ROCK2: variants seen among roughly 807,000 people sequenced by gnomAD.
The protein encoded by ROCK2 is rho-associated protein kinase 2.
A neutral mutation model predicts 195.1 loss-of-function variants in ROCK2; 61 were observed. The observed-to-expected ratio is 0.31, with a 90% CI of 0.25 to 0.39. ROCK2 has a LOEUF of 0.39. Among genes scored for constraint, ROCK2 ranks in the 10% least tolerant of loss-of-function variants. The pLI, the probability that ROCK2 is intolerant of heterozygous loss-of-function variation, is 1.00. For synonymous variants in ROCK2, 504 were observed against 545.5 expected, an observed-to-expected ratio of 0.92 and a Z score of 1.06; for missense variants, 1,109 against 1,637.4, an observed-to-expected ratio of 0.68 and a Z score of 5.57.
chr2:11,341,727 A>G (rs1669111749), intron 1 of ROCK2, among the ~76,000 whole-genome samples: 1 of 152,218 alleles, frequency 6.6e-6, no homozygotes, highest in African/African-American at 2.4e-5. Context: ...CAAAAAATAA[A>G]TGTCATAGGC....
rs16857273 is a variant in ROCK2 at position 11,210,262 on chromosome 2, C to A, written c.2203+1419G>T. Among the ~76,000 whole-genome samples the A allele has an allele frequency of 8.7e-3, 432 of 49,778 alleles. 1 individual carries two copies. The highest frequency in any genetic ancestry group is 0.015 in the African/African-American group (376 of 24,908). The allele number at this position is 49,778 out of a possible 152,430, so 32.7% of individuals were successfully genotyped here. On this transcript the variant is annotated intron_variant, in intron 18 of 32. Coordinates refer to ENST00000315872, the MANE Select transcript of ROCK2 (RefSeq NM_004850.5). Reference sequence around the variant, plus strand: ...AAATGTCCTCATTTAACAAAAAAAACAATCACCATAATGTAGGCATTGAGA... The same window carrying A: ...AAATGTCCTCATTTAACAAAAAAAAAAATCACCATAATGTAGGCATTGAGA...
chr2:11,226,214 T>C (rs1359721871), intron 6 of ROCK2, among the ~76,000 whole-genome samples: 3 of 152,208 alleles, frequency 2.0e-5, no homozygotes, highest in Non-Finnish European at 2.9e-5. Context: ...CTGGCTTCCT[T>C]AGCCAGAAGG....
intron 3 of ROCK2, among the ~76,000 whole-genome samples, chr2:11,258,473 G>A (rs751934369): frequency 1.3e-5 from 2 of 151,314 alleles, no homozygotes; most frequent in African/African-American, 4.9e-5. Context: ...CATATTATTC[G>A]TGAATCCCAG....
intron 19 of ROCK2, among the ~76,000 whole-genome samples, 176 bp from the exon 20 acceptor site, chr2:11,208,086 A>G (rs1049281711): frequency 6.6e-6 from 1 of 151,230 alleles, no homozygotes; most frequent in African/African-American, 2.4e-5. Context: ...TATTTTTTAA[A>G]TAAAATATAA....
In ROCK2 at chr2:11,202,049, T is replaced by C; in HGVS notation, c.2619+3A>G. ...TTTGCAAATTAATGTGTCTTGAACT[T>C]ACTGAGAAATACTGTTCTGCTTCGA... On this transcript the variant is annotated splice_donor_region_variant and intron_variant, in intron 21 of 32. Coordinates refer to ENST00000315872, the MANE Select transcript of ROCK2 (RefSeq NM_004850.5). The C allele has an allele frequency of 6.2e-7, 1 of 1,611,998 alleles. No individual in the cohort carries two copies.
intron 3 of ROCK2, among the ~76,000 whole-genome samples, chr2:11,252,672 A>G (rs2148131800): frequency 6.6e-6 from 1 of 152,198 alleles, no homozygotes. Flanking sequence ...GAAGCTGGAA[A>G]CCATCACTCT....
rs1662994407 is a variant in ROCK2 at position 11,181,599 on chromosome 2, A to G, written c.*1838T>C. The G allele has an allele frequency of 6.6e-6, 1 of 150,826 alleles. No individual in the cohort carries two copies. Among genetic ancestry groups the G allele is most frequent in the South Asian group, 2.1e-4 (1 of 4,778 alleles). 9.3% of individuals were successfully genotyped at this position (150,826 alleles called of 1,614,324 possible). ...TGACATCAGAGGGAATCAATGAAAA[A>G]TGTCTATTTCCTTCATCGAAATATT... On this transcript the variant is annotated 3_prime_UTR_variant, in exon 33 of 33. Coordinates refer to ENST00000315872, the MANE Select transcript of ROCK2 (RefSeq NM_004850.5).
At chr2:11,225,275 A>G (rs1664773613) in intron 6 of ROCK2, among the ~76,000 whole-genome samples, 2 of 152,188 alleles carry the variant, frequency 1.3e-5, no homozygotes, top group African/African-American at 2.4e-5. Context: ...CAAGTGTTAC[A>G]GGCTCTGCCA....
At chr2:11,199,462 T>C (rs976630843) in intron 23 of ROCK2, among the ~76,000 whole-genome samples, 17 of 151,286 alleles carry the variant, frequency 1.1e-4, no homozygotes, top group Middle Eastern at 3.2e-3. Flanking sequence ...GCTGGGACTA[T>C]AGGCATGAAC....
chr2:11,329,523 T>C (rs886259818), intron 1 of ROCK2, among the ~76,000 whole-genome samples: 3 of 152,024 alleles, frequency 2.0e-5, no homozygotes, highest in Admixed American at 1.3e-4. Context: ...ATTTTATGAC[T>C]TCCCTCAGAA....
At chr2:11,344,868 C>T (rs1035338972), upstream of ROCK2, among the ~76,000 whole-genome samples, 9 of 150,738 alleles carry the variant, frequency 6.0e-5, no homozygotes. The surrounding 1 kb of genome is among the most constrained non-coding windows in gnomAD (Gnocchi z 5.4). Flanking sequence ...GGCGCGCGGT[C>T]ACGGCCGAGC....
chr2:11,319,718 T>G (rs963824948), intron 1 of ROCK2, among the ~76,000 whole-genome samples: 2 of 152,156 alleles, frequency 1.3e-5, no homozygotes, highest in Non-Finnish European at 2.9e-5. Flanking sequence ...GCCCATTCAG[T>G]ATCATATTGG....
At chr2:11,345,056 C>T (rs1669259037), upstream of ROCK2, among the ~76,000 whole-genome samples, 1 of 151,940 alleles carries the variant, frequency 6.6e-6, no homozygotes, top group Non-Finnish European at 1.5e-5. Flanking sequence ...CCCGCTGACT[C>T]AGCGCGCAGC....
chr2:11,313,095 AGAAT>A (rs1166058242), intron 1 of ROCK2, among the ~76,000 whole-genome samples: 1 of 152,132 alleles, frequency 6.6e-6, no homozygotes, highest in Non-Finnish European at 1.5e-5. Context: ...TGTACAGCAA[AGAAT>A]GAACCCTAAA....
At chr2:11,320,514 TCAC>T (rs1404151790) in intron 1 of ROCK2, among the ~76,000 whole-genome samples, 2 of 133,298 alleles carry the variant, frequency 1.5e-5, no homozygotes, top group Non-Finnish European at 3.3e-5. Context: ...TTTTGCCTTG[TCAC>T]CACTGTGATA....
At chr2:11,334,372 G>A (rs957084867) in intron 1 of ROCK2, among the ~76,000 whole-genome samples, 8 of 151,962 alleles carry the variant, frequency 5.3e-5, no homozygotes, top group Non-Finnish European at 1.0e-4. Flanking sequence ...TTAGCCAGGC[G>A]TGGTGGTGCA....
chr2:11,305,853 G>C (rs1667843903), intron 1 of ROCK2, among the ~76,000 whole-genome samples: 1 of 152,218 alleles, frequency 6.6e-6, no homozygotes, highest in Non-Finnish European at 1.5e-5. Context: ...CAAAGTTACT[G>C]TGAATTTATA....
At chr2:11,308,659 A>G in intron 1 of ROCK2, 1 of 1,475,462 alleles carries the variant, frequency 6.8e-7, no homozygotes, top group Admixed American at 1.7e-5. Context: ...CTTCAAGAAA[A>G]GAAGATACAT....
At position 11,201,337 on chromosome 2, in the gene ROCK2, T is replaced by C. The variant is rs868786728; in HGVS notation, c.2696A>G (p.Gln899Arg). ...EKTKLGKELQ[Q>R]KKQELQDERD... ...TTCATCCTGTAATTCCTGTTTCTTC[T>C]GCTGCAATTCTTTACCAAGTTTGGT... Residue 899 changes from glutamine to arginine, a missense_variant, in exon 22 of 33, where the codon CAG (glutamine) becomes CGG (arginine). By Grantham distance (43) the Gln-to-Arg change is conservative (BLOSUM62 1). Transcript: ENST00000315872. The surrounding 1 kb of genome is among the most constrained non-coding windows in gnomAD (Gnocchi z 4.6). The C allele has an allele frequency of 3.1e-6, 5 of 1,612,486 alleles. No individual in the cohort carries two copies. In the Admixed American group the frequency reaches 6.7e-5, roughly 21 times the overall value.
Sources: gnomAD v4.1 joint callset for allele counts (sites outside exome capture counted in the v4.1 genomes callset) on GRCh38, gnomAD v4.1.1 for gene constraint, Gnocchi (gnomAD v3.1) non-coding constraint, MANE v1.5 for transcripts, NCBI Gene and HGNC (gene_info 2026-07-23, HGNC 2026-07-21) for gene names.